NUBPL: variants seen among roughly 807,000 people sequenced by gnomAD.
The protein encoded by NUBPL is iron-sulfur cluster transfer protein NUBPL.
Under a neutral mutation model 45.7 loss-of-function variants are expected in NUBPL, and 31 were observed. That is an observed-to-expected ratio of 0.68 (90% CI 0.51 to 0.92). The LOEUF is 0.92. Ranked by LOEUF, NUBPL falls within the 40% of genes least tolerant of loss-of-function variation. The probability of loss-of-function intolerance (pLI) is 0.00; values close to 1 mark genes in which losing one functional copy is unlikely to be tolerated. For missense variants in NUBPL, 401 were observed against 398.7 expected, an observed-to-expected ratio of 1.01 and a Z score of -0.05; for synonymous variants, 144 against 140.9, an observed-to-expected ratio of 1.02 and a Z score of -0.15.
At chr14:31,712,046 A>G (rs1361777306) in intron 6 of NUBPL, among the ~76,000 whole-genome samples, 1 of 152,160 alleles carries the variant, frequency 6.6e-6, no homozygotes. Flanking sequence ...AGAGCAAAAG[A>G]ACAAAGCTTC....
At chr14:31,748,708 G>A (rs1233230616) in intron 6 of NUBPL, among the ~76,000 whole-genome samples, 1 of 152,028 alleles carries the variant, frequency 6.6e-6, no homozygotes, top group South Asian at 2.1e-4. Flanking sequence ...TGCCTCCCGG[G>A]TTCAAGCGTT....
At chr14:31,601,063 T>C (rs1255251541) in intron 4 of NUBPL, among the ~76,000 whole-genome samples, 3 of 152,172 alleles carry the variant, frequency 2.0e-5, no homozygotes. Flanking sequence ...CAGATAGTCG[T>C]AGATATGCGG....
intron 6 of NUBPL, among the ~76,000 whole-genome samples, chr14:31,725,229 C>T (rs183767218): frequency 1.1e-3 from 162 of 152,046 alleles, no homozygotes; most frequent in South Asian, 1.9e-3. Context: ...TCAAACAACC[C>T]TGTGAGATAG....
At chr14:31,748,432 G>A (rs1335298781) in intron 6 of NUBPL, among the ~76,000 whole-genome samples, 3 of 152,116 alleles carry the variant, frequency 2.0e-5, no homozygotes, top group Admixed American at 6.5e-5. Context: ...ATTGGATTCA[G>A]TCTCTTCCCT....
intron 4 of NUBPL, among the ~76,000 whole-genome samples, chr14:31,612,687 G>GA (rs936629796): frequency 2.7e-5 from 4 of 147,086 alleles, no homozygotes; most frequent in East Asian, 2.0e-4. Context: ...GAAAAGAAAA[G>GA]AAAAAAAAAG....
At chr14:31,784,022 G>A (rs781639039) in intron 6 of NUBPL, among the ~76,000 whole-genome samples, 1 of 152,100 alleles carries the variant, frequency 6.6e-6, no homozygotes, top group Non-Finnish European at 1.5e-5. Context: ...GGTAAGTTTT[G>A]TCAACCTGAA....
At chr14:31,639,622 C>T (rs942406826) in intron 4 of NUBPL, among the ~76,000 whole-genome samples, 8 of 152,188 alleles carry the variant, frequency 5.3e-5, no homozygotes, top group Admixed American at 3.9e-4. Context: ...AGATATCAGA[C>T]AGGGACATTT....
At chr14:31,643,088 T>C (rs1309350246) in intron 4 of NUBPL, among the ~76,000 whole-genome samples, 1 of 152,146 alleles carries the variant, frequency 6.6e-6, no homozygotes, top group Admixed American at 6.5e-5. Flanking sequence ...TATAATATCA[T>C]GTTATCTGTG....
intron 6 of NUBPL, among the ~76,000 whole-genome samples, chr14:31,773,531 T>C (rs915095190): frequency 1.5e-4 from 23 of 152,144 alleles, no homozygotes; most frequent in Non-Finnish European, 2.9e-4. Context: ...TCCTTAGAAC[T>C]GGAAGACCCA....
chr14:31,821,089 C>G (rs1204351466), intron 7 of NUBPL, among the ~76,000 whole-genome samples: 2 of 151,982 alleles, frequency 1.3e-5, no homozygotes, highest in Admixed American at 6.6e-5. Context: ...TGCCATTGCA[C>G]TCCAGCCTGG....
chr14:31,583,112 CATG>C (rs1265437144), intron 3 of NUBPL, among the ~76,000 whole-genome samples: 1 of 152,060 alleles, frequency 6.6e-6, no homozygotes, highest in Admixed American at 6.6e-5. Flanking sequence ...TATTTTTATA[CATG>C]ATTAGATAGG....
At chr14:31,571,141 T>C (rs1022212481) in intron 3 of NUBPL, among the ~76,000 whole-genome samples, 2 of 152,218 alleles carry the variant, frequency 1.3e-5, no homozygotes, top group Non-Finnish European at 2.9e-5. Context: ...TTCTTCTACT[T>C]GTCTACTGGA....
At chr14:31,643,565 G>A (rs918964812) in intron 4 of NUBPL, among the ~76,000 whole-genome samples, 2 of 152,036 alleles carry the variant, frequency 1.3e-5, no homozygotes, top group Non-Finnish European at 2.9e-5. Context: ...ATTTTGTTGA[G>A]GATTTTTGCA....
At position 31,562,072 on chromosome 14, in the gene NUBPL, C is replaced by G; in HGVS notation, c.113C>G (p.Ser38Cys). Reference protein sequence around the residue: ...SRAMVCGRQLSGAGSETLKQR... With the variant: ...SRAMVCGRQLCGAGSETLKQR... ...TATTATTATTATTTTTTAAAGTTGT[C>G]TGGCGCCGGGAGTGAGACCCTAAAA... The change falls in exon 2 of 11, where the codon TCT (serine) becomes TGT (cysteine). Residue 38 changes from serine to cysteine, a missense_variant. Coordinates refer to ENST00000281081, the MANE Select transcript of NUBPL (RefSeq NM_025152.3). 1 of 1,591,280 alleles carries G rather than the reference C, an allele frequency of 6.3e-7. No individual in the cohort carries two copies.
intron 6 of NUBPL, among the ~76,000 whole-genome samples, chr14:31,773,999 T>C (rs1350888617): frequency 6.6e-6 from 1 of 152,228 alleles, no homozygotes; most frequent in Non-Finnish European, 1.5e-5. Flanking sequence ...TTTTGAGCTG[T>C]TCAAACCAAT....
intron 6 of NUBPL, among the ~76,000 whole-genome samples, chr14:31,769,975 A>G (rs992437545): frequency 4.6e-5 from 7 of 152,168 alleles, no homozygotes; most frequent in Non-Finnish European, 1.5e-5. Context: ...TTTGATGAAT[A>G]GATATCTGGA....
In NUBPL at chr14:31,781,780, C is replaced by A. The variant is rs114407865; in HGVS notation, c.514-6000C>A. On this transcript the variant is annotated intron_variant, in intron 6 of 10. Coordinates refer to ENST00000281081, the MANE Select transcript of NUBPL (RefSeq NM_025152.3). ...TAAAATTTCTATTTATTAACCTTTTCATGACTTACTCAGACCATCTATGAC... is the reference window on the plus strand; with the variant it reads ...TAAAATTTCTATTTATTAACCTTTTAATGACTTACTCAGACCATCTATGAC... Among the ~76,000 whole-genome samples the A allele has an allele frequency of 6.5e-3, 997 of 152,260 alleles. 12 individuals carry two copies. Among genetic ancestry groups the A allele is most frequent in the African/African-American group, 0.022 (934 of 41,560 alleles).
chr14:31,715,410 G>T (rs1035426681), intron 6 of NUBPL, among the ~76,000 whole-genome samples: 21 of 152,180 alleles, frequency 1.4e-4, no homozygotes, highest in African/African-American at 2.4e-5. Context: ...AGGCAATTTT[G>T]TCATTGTGCG....
Position 31,813,170 on chromosome 14 carries a change from G to C in NUBPL, c.608-13459G>C, listed in dbSNP as rs146564801. On this transcript the variant is annotated intron_variant, in intron 7 of 10. Transcript: ENST00000281081. Reference sequence around the variant, plus strand: ...CCTGGCTAATTTTTTTGTATTTTTAGCAGAGACGGGGTTTCACCATGTTAG... The same window carrying C: ...CCTGGCTAATTTTTTTGTATTTTTACCAGAGACGGGGTTTCACCATGTTAG... Among the ~76,000 whole-genome samples the C allele has an allele frequency of 8.2e-3, 1,252 of 151,884 alleles. 18 individuals are homozygous for C. The highest frequency in any genetic ancestry group is 0.028 in the African/African-American group (1,172 of 41,396).
Sources: allele counts gnomAD v4.1 joint callset (sites outside exome capture counted in the v4.1 genomes callset), GRCh38; gene constraint gnomAD v4.1.1; transcripts MANE v1.5; gene names NCBI Gene and HGNC (gene_info 2026-07-23, HGNC 2026-07-21).